MTAP: variants seen among roughly 807,000 people sequenced by gnomAD.
MTAP encodes methylthioadenosine phosphorylase.
Under a neutral mutation model 33.6 loss-of-function variants are expected in MTAP, and 33 were observed. The observed-to-expected ratio is 0.98, with a 90% CI of 0.74 to 1.31. The LOEUF is 1.31. Among genes scored for constraint, MTAP ranks in the 40% most tolerant of loss-of-function variants. The pLI is 0.00. For synonymous variants in MTAP, 148 were observed against 125.7 expected (o/e 1.18, Z -1.19); for missense variants, 367 against 360.0 (o/e 1.02, Z -0.16).
At chr9:21,879,450 A>G (rs975217930) in intron 1 of MTAP, among the ~76,000 whole-genome samples, 1 of 152,076 alleles carries the variant, frequency 6.6e-6, no homozygotes, top group Non-Finnish European at 1.5e-5. Context: ...GTGTCATTAC[A>G]TGTGAGATGG....
At chr9:21,889,733 T>C (rs1251841184) in intron 1 of MTAP, among the ~76,000 whole-genome samples, 1 of 152,154 alleles carries the variant, frequency 6.6e-6, no homozygotes, top group Non-Finnish European at 1.5e-5. Flanking sequence ...CAAAGAGTCC[T>C]GTGATGTGAT....
chr9:21,913,961 G>T (rs1356638328), intron 1 of MTAP, among the ~76,000 whole-genome samples: 4 of 152,120 alleles, frequency 2.6e-5, no homozygotes, highest in South Asian at 2.1e-4. Flanking sequence ...CCATCAAAAA[G>T]TGGGCAAAGG....
chr9:21,887,641 TG>T (rs1198904861), intron 1 of MTAP, among the ~76,000 whole-genome samples: 1 of 152,200 alleles, frequency 6.6e-6, no homozygotes, highest in African/African-American at 2.4e-5. Context: ...ATGGGATGGC[TG>T]GGTCAAATGG....
intron 1 of MTAP, among the ~76,000 whole-genome samples, chr9:21,897,146 T>G (rs540907783): frequency 3.0e-4 from 46 of 152,290 alleles, no homozygotes; most frequent in African/African-American, 1.1e-3. Context: ...ATTATCTCAA[T>G]AGATGCAGAA....
chr9:21,808,410 C>G (rs7033148), intron 1 of MTAP, among the ~76,000 whole-genome samples: 35,650 of 145,512 alleles, frequency 0.24, 6,933 homozygotes, highest in African/African-American at 0.55. Flanking sequence ...CATGGTGAAA[C>G]CTCATCTCTG....
chr9:21,845,556 T>C (rs930786503), intron 5 of MTAP, among the ~76,000 whole-genome samples: 30 of 152,330 alleles, frequency 2.0e-4, no homozygotes, highest in African/African-American at 6.5e-4. Context: ...TGCTCAGGGA[T>C]GGGCAGAATT....
intron 1 of MTAP, chr9:21,893,970 T>C (rs1818244133): frequency 6.7e-6 from 1 of 150,340 alleles, no homozygotes; most frequent in Admixed American, 6.6e-5. Flanking sequence ...CTGGCCAACA[T>C]TCCTGGTGAA....
In MTAP at chr9:21,833,866, C is replaced by T. The variant is rs553106901; in HGVS notation, c.348-4042C>T. On this transcript the variant is annotated intron_variant, in intron 4 of 7. Transcript: ENST00000644715. The stretch of plus-strand genomic sequence containing the variant: ...AATGTAAGAGTCTTGATTCAAGAAA[C>T]AACCTACCAGTCAGTCTATTTCTAG... Among the ~76,000 whole-genome samples, 9 of 152,304 alleles carry T rather than the reference C, an allele frequency of 5.9e-5. No homozygotes were observed. In the East Asian group the frequency reaches 1.5e-3, roughly 26 times the overall value.
intron 1 of MTAP, among the ~76,000 whole-genome samples, chr9:21,809,989 C>T (rs181669020): frequency 6.6e-6 from 1 of 152,230 alleles, no homozygotes; most frequent in Admixed American, 6.5e-5. Flanking sequence ...ATCTGTACTT[C>T]TCAAGGGGCA....
At chr9:21,807,129 A>G (rs1024913936) in intron 1 of MTAP, among the ~76,000 whole-genome samples, 9 of 152,166 alleles carry the variant, frequency 5.9e-5, no homozygotes, top group African/African-American at 1.9e-4. Flanking sequence ...GCGCCATTGC[A>G]CTCCAGCCTG....
At chr9:21,856,261 C>A in intron 6 of MTAP, 1 of 774,342 alleles carries the variant, frequency 1.3e-6, no homozygotes, top group Non-Finnish European at 1.6e-6. Flanking sequence ...TATTGTACCA[C>A]CGTTTTAGAG....
chr9:21,939,253 T>C (rs1423004652), downstream of MTAP, among the ~76,000 whole-genome samples: 1 of 152,218 alleles, frequency 6.6e-6, no homozygotes. Context: ...CTTCCCAGTC[T>C]CTGGTATGTC....
At chr9:21,829,393 A>G (rs1412160517) in intron 4 of MTAP, among the ~76,000 whole-genome samples, 1 of 148,136 alleles carries the variant, frequency 6.8e-6, no homozygotes, top group Non-Finnish European at 1.5e-5. Flanking sequence ...GAATTGCACC[A>G]TCTCTCTCTC....
chr9:21,916,838 G>GA (rs895514474), intron 1 of MTAP, among the ~76,000 whole-genome samples: 38 of 151,518 alleles, frequency 2.5e-4, no homozygotes, highest in East Asian at 7.7e-4. Flanking sequence ...AACTGTGAAA[G>GA]AAAAAAAAAT....
intron 1 of MTAP, among the ~76,000 whole-genome samples, chr9:21,890,559 C>T (rs1224448787): frequency 6.6e-6 from 1 of 152,178 alleles, no homozygotes; most frequent in Non-Finnish European, 1.5e-5. Context: ...GGCAGCCCTC[C>T]CCAAGGACCC....
intron 4 of MTAP, among the ~76,000 whole-genome samples, chr9:21,834,009 A>G (rs1424596638): frequency 6.6e-6 from 1 of 150,838 alleles, no homozygotes; most frequent in Admixed American, 6.6e-5. Flanking sequence ...GTTTTTTTTT[A>G]TTTGTCTACT....
rs201680325 is a variant in MTAP at position 21,859,424 on chromosome 9, A to C, written c.812A>C (p.Lys271Thr). The part of the protein sequence containing the change: ...TEWSETLHNL[K>T]NMAQFSVLLP... ...TGGTCAGAAACCCTCCATAACCTGA[A>C]GGTAAGTGTCAGCCATGGACAATCA... Residue 271 changes from lysine (K) to threonine (T), a missense_variant and splice_region_variant, in exon 7 of 8, where the codon AAG (lysine) becomes ACG (threonine). By Grantham distance (78) the Lys-to-Thr change is moderately conservative. Coordinates refer to ENST00000644715, the MANE Select transcript of MTAP (RefSeq NM_002451.4). 4 of 1,609,156 alleles carry C rather than the reference A, an allele frequency of 2.5e-6. No individual in the cohort carries two copies. Among genetic ancestry groups the C allele is most frequent in the African/African-American group, 1.3e-5 (1 of 74,674 alleles).
intron 1 of MTAP, among the ~76,000 whole-genome samples, chr9:21,908,025 C>T (rs1173120048): frequency 6.6e-6 from 1 of 152,060 alleles, no homozygotes; most frequent in Non-Finnish European, 1.5e-5. Context: ...ATATCACAGC[C>T]ATGATATTAA....
chr9:21,831,394 T>A (rs1312760697), intron 4 of MTAP, among the ~76,000 whole-genome samples: 1 of 152,200 alleles, frequency 6.6e-6, no homozygotes, highest in African/African-American at 2.4e-5. Context: ...TAGAGTGCAG[T>A]GGCCTGATCG....
Sources: gnomAD v4.1 joint callset for allele counts (sites outside exome capture counted in the v4.1 genomes callset) on GRCh38, gnomAD v4.1.1 for gene constraint, MANE v1.5 for transcripts, NCBI Gene and HGNC (gene_info 2026-07-23, HGNC 2026-07-21) for gene names.